The following AOPEP variants were observed in gnomAD, a reference collection of about 807,000 sequenced individuals.
AOPEP encodes the protein aminopeptidase O (putative), also known as aminopeptidase O.
AOPEP carries 77 observed loss-of-function variants against 98.1 expected under a neutral mutation model. The ratio of observed to expected loss-of-function variants is 0.78; its 90% CI spans 0.65 to 0.95. AOPEP has a LOEUF of 0.95. Ranked by LOEUF, AOPEP falls within the 40% of genes least tolerant of loss-of-function variation. The pLI is 0.00. For missense variants in AOPEP, 1,024 were observed against 1,024.7 expected (o/e 1.00, Z 0.01); for synonymous variants, 346 against 365.3 (o/e 0.95, Z 0.60).
At chr9:95,115,652 T>A in the AOPEP span, among the ~76,000 whole-genome samples, 1 of 152,206 alleles carries the variant, frequency 6.6e-6, no homozygotes, top group Non-Finnish European at 1.5e-5. Flanking sequence ...AGTTTTCACA[T>A]AGTGATAGAT....
In AOPEP at chr9:94,967,749, T is replaced by TA; in HGVS notation, c.1873-7dup. 2 of 1,612,042 alleles carry TA rather than the reference T, an allele frequency of 1.2e-6. No homozygotes were observed. Among genetic ancestry groups the TA allele is most frequent in the Non-Finnish European group, 8.5e-7 (1 of 1,178,074 alleles). On this transcript the variant is annotated splice_polypyrimidine_tract_variant and intron_variant, in intron 9 of 16. Transcript: ENST00000375315. ...GACATCTTTAATGATTTGCTTTTTT[T>TA]AATCCCAGGATTTCCTTCAAATGCT...
intron 5 of AOPEP, among the ~76,000 whole-genome samples, chr9:94,852,863 C>T (rs946926839): frequency 1.3e-5 from 2 of 152,198 alleles, no homozygotes; most frequent in African/African-American, 2.4e-5. Context: ...GTGCAGTTCA[C>T]CTCAGCTGAT....
intron 10 of AOPEP, among the ~76,000 whole-genome samples, chr9:94,977,428 G>T (rs946431843): frequency 1.3e-5 from 2 of 152,056 alleles, no homozygotes; most frequent in African/African-American, 2.4e-5. Context: ...TTCTTCATTG[G>T]TGTTTCTCTC....
intron 5 of AOPEP, among the ~76,000 whole-genome samples, chr9:94,898,438 G>A (rs372934526): frequency 6.6e-6 from 1 of 151,698 alleles, no homozygotes; most frequent in African/African-American, 2.4e-5. Flanking sequence ...GGCCAACATG[G>A]TGAAACCTCA....
the AOPEP span, among the ~76,000 whole-genome samples, chr9:95,093,450 A>G: frequency 3.9e-5 from 6 of 152,174 alleles, no homozygotes; most frequent in African/African-American, 7.2e-5. Context: ...AAAGTTACAG[A>G]TGGTGCCTGG....
At chr9:94,939,242 CG>C (rs1564415672) in intron 7 of AOPEP, among the ~76,000 whole-genome samples, 1 of 128,220 alleles carries the variant, frequency 7.8e-6, no homozygotes, top group Non-Finnish European at 1.7e-5. Context: ...AGTGAGACTT[CG>C]TGTCAGAAAA....
chr9:94,759,637 C>A lies in AOPEP; in HGVS notation c.-135-12C>A, dbSNP rs773210484. ...TGGAATTTTATCTAATTGTGCTTTC[C>A]TTTTTTGCCAGGAGACTGAAAGGAA... On this transcript the variant is annotated splice_polypyrimidine_tract_variant and intron_variant, in intron 1 of 16. Transcript: ENST00000375315. 1.5e-6 allele frequency: 1 copy of A among 659,654 alleles called. No individual in the cohort carries two copies. The highest frequency in any genetic ancestry group is 2.8e-5 in the East Asian group (1 of 36,130). 40.9% of individuals were successfully genotyped at this position (659,654 alleles called of 1,614,324 possible).
At chr9:94,864,971 TAAG>T (rs1456380194) in intron 5 of AOPEP, among the ~76,000 whole-genome samples, 1 of 152,174 alleles carries the variant, frequency 6.6e-6, no homozygotes, top group Non-Finnish European at 1.5e-5. Context: ...TGCTTAGGGT[TAAG>T]GAGCTATTTT....
At chr9:94,949,150 T>A (rs1391977269) in intron 7 of AOPEP, among the ~76,000 whole-genome samples, 7 of 152,210 alleles carry the variant, frequency 4.6e-5, no homozygotes, top group Non-Finnish European at 7.3e-5. Flanking sequence ...GACCATTGCA[T>A]TGATTGGTTT....
intron 13 of AOPEP, among the ~76,000 whole-genome samples, chr9:95,021,442 G>C (rs2063449771): frequency 6.6e-6 from 1 of 152,162 alleles, no homozygotes; most frequent in Non-Finnish European, 1.5e-5. Context: ...TGAGGATCCT[G>C]GCATCCTTGA....
intron 13 of AOPEP, among the ~76,000 whole-genome samples, chr9:95,009,367 T>G (rs1203608607): frequency 6.6e-6 from 1 of 152,186 alleles, no homozygotes; most frequent in African/African-American, 2.4e-5. Context: ...TAGTCTTTTA[T>G]GAAATAATAT....
intron 13 of AOPEP, among the ~76,000 whole-genome samples, chr9:95,046,866 A>T (rs893426991): frequency 2.6e-5 from 4 of 152,226 alleles, no homozygotes; most frequent in Non-Finnish European, 4.4e-5. Flanking sequence ...GTTAAGGTAG[A>T]CATATTAGCA....
chr9:94,955,500 C>G (rs892433798), intron 8 of AOPEP, among the ~76,000 whole-genome samples: 6 of 152,186 alleles, frequency 3.9e-5, no homozygotes, highest in Non-Finnish European at 8.8e-5. Flanking sequence ...ATTCCCTGCC[C>G]TGTACCTCTG....
chr9:94,856,558 T>C (rs1201608948), intron 5 of AOPEP, among the ~76,000 whole-genome samples: 1 of 151,332 alleles, frequency 6.6e-6, no homozygotes, highest in Non-Finnish European at 1.5e-5. Context: ...GGAGAATCAC[T>C]TGAACCCGGG....
At chr9:94,914,269 G>A (rs1172128352) in intron 5 of AOPEP, among the ~76,000 whole-genome samples, 1 of 152,144 alleles carries the variant, frequency 6.6e-6, no homozygotes, top group African/African-American at 2.4e-5. Flanking sequence ...GCAGGGAGAC[G>A]GGAGGGAGAA....
intron 14 of AOPEP, among the ~76,000 whole-genome samples, chr9:95,076,577 ATG>A (rs1287237403): frequency 2.0e-5 from 3 of 152,214 alleles, no homozygotes; most frequent in Non-Finnish European, 4.4e-5. Context: ...TAAATAATCA[ATG>A]TAATTATATA....
the AOPEP span, chr9:95,114,728 T>G: frequency 1.2e-5 from 20 of 1,610,304 alleles, no homozygotes; most frequent in Admixed American, 1.7e-5. Flanking sequence ...TGGAGAGAGA[T>G]ACGTCAGAGG....
intron 9 of AOPEP, among the ~76,000 whole-genome samples, chr9:94,963,105 C>T (rs1183294356): frequency 6.6e-6 from 1 of 152,116 alleles, no homozygotes; most frequent in Non-Finnish European, 1.5e-5. Context: ...ATAACTTCTT[C>T]CTGACAATTT....
intron 11 of AOPEP, among the ~76,000 whole-genome samples, chr9:94,983,685 C>T (rs1002667436): frequency 6.6e-6 from 1 of 152,170 alleles, no homozygotes; most frequent in Non-Finnish European, 1.5e-5. Flanking sequence ...TCTGGAGATT[C>T]GCCCGCTCAC....
Sources: gnomAD v4.1 joint callset for allele counts (sites outside exome capture counted in the v4.1 genomes callset) on GRCh38, gnomAD v4.1.1 for gene constraint, MANE v1.5 for transcripts, NCBI Gene and HGNC (gene_info 2026-07-23, HGNC 2026-07-21) for gene names.